The following DMD variants were observed in gnomAD, a reference collection of about 807,000 sequenced individuals.
DMD encodes dystrophin.
In DMD, 63 loss-of-function variants were observed where a neutral mutation model predicts 330.1. The observed-to-expected ratio is 0.19, with a 90% CI of 0.16 to 0.24. DMD has a LOEUF of 0.24. DMD is among the 10% of genes least tolerant of loss of function. The probability of loss-of-function intolerance (pLI) is 1.00; values close to 1 mark genes in which losing one functional copy is unlikely to be tolerated. For missense variants in DMD, 3,344 were observed against 2,684.1 expected (o/e 1.25, Z -5.43); for synonymous variants, 1,223 against 959.8 (o/e 1.27, Z -5.07).
At chrX:32,211,337 C>T (rs1477350598) in intron 44 of DMD, among the ~76,000 whole-genome samples, 1 of 112,135 alleles carries the variant, frequency 8.9e-6, no homozygotes, top group African/African-American at 3.2e-5. Flanking sequence ...TAAAATATGA[C>T]ATATGTAATC....
chrX:32,325,169 C>A (rs2097644593), intron 41 of DMD, among the ~76,000 whole-genome samples: 1 of 110,866 alleles, frequency 9.0e-6, no homozygotes, highest in Non-Finnish European at 1.9e-5. Context: ...AAAGAGATAT[C>A]TAAGACTAAA....
intron 12 of DMD, among the ~76,000 whole-genome samples, chrX:32,607,914 G>T (rs939530095): frequency 9.1e-6 from 1 of 109,837 alleles, no homozygotes; most frequent in East Asian, 2.8e-4. Context: ...TTAGAAATAG[G>T]GTACTTATTT....
At chrX:31,228,454 T>C (rs901542974) in intron 63 of DMD, among the ~76,000 whole-genome samples, 1 of 110,222 alleles carries the variant, frequency 9.1e-6, no homozygotes, top group Admixed American at 9.7e-5. Context: ...CATGTGTTGC[T>C]AGGAGTCTGC....
chrX:31,450,255 G>C, intron 59 of DMD, among the ~76,000 whole-genome samples: 1 of 111,757 alleles, frequency 8.9e-6, no homozygotes, highest in Non-Finnish European at 1.9e-5. Context: ...TCTTCCTCGT[G>C]GTTCAGGGAA....
At position 32,348,435 on chromosome X, in the gene DMD, G is replaced by C. The variant is rs1368648645; in HGVS notation, c.5419C>G (p.Leu1807Val). ...TCTTTATTGAAGTCTTCCTCTTTCA[G>C]ATTCACCCCCTGCTGAATTTCAGCC... ...LEAEIQQGVN[L>V]KEEDFNKDMN... The change falls in exon 38 of 79, where the codon CTG (leucine) becomes GTG (valine). Residue 1807 changes from leucine (L) to valine (V), a missense_variant. By Grantham distance (32) the Leu-to-Val change is conservative. Transcript: ENST00000357033. 1 of 1,207,716 alleles carries C rather than the reference G, an allele frequency of 8.3e-7. No homozygotes were observed. The highest frequency in any genetic ancestry group is 1.1e-6 in the Non-Finnish European group (1 of 892,812).
chrX:32,432,158 A>C (rs932701523), intron 29 of DMD, among the ~76,000 whole-genome samples: 2 of 111,835 alleles, frequency 1.8e-5, no homozygotes, highest in African/African-American at 6.5e-5. Flanking sequence ...CAGTGAGAAG[A>C]CAGATGTCTT....
intron 60 of DMD, among the ~76,000 whole-genome samples, chrX:31,434,811 G>A (rs761097204): frequency 8.9e-6 from 1 of 111,886 alleles, no homozygotes; most frequent in Non-Finnish European, 1.9e-5. Flanking sequence ...GAGTTAAACA[G>A]GCAATTCTTG....
chrX:31,559,146 G>A (rs1411518658), intron 55 of DMD, among the ~76,000 whole-genome samples: 1 of 112,322 alleles, frequency 8.9e-6, no homozygotes, highest in Admixed American at 9.4e-5. Flanking sequence ...CAGTAAGTGA[G>A]TCCAACAGTT....
intron 58 of DMD, 91 bp downstream of exon 58, chrX:31,478,892 C>CT: frequency 1.0e-6 from 1 of 982,353 alleles, no homozygotes; most frequent in Non-Finnish European, 1.4e-6. Context: ...AATATGAGAG[C>CT]TATCCAGACC....
rs968457386 is a variant in DMD at position 31,264,534 on chromosome X, T to C, written c.9225-3518A>G. On this transcript the variant is annotated intron_variant, in intron 62 of 78. Coordinates refer to ENST00000357033, the MANE Select transcript of DMD (RefSeq NM_004006.3). ...CTCTTTACATCTTTAAAAAATGTTA[T>C]TGATTTTGGCCCTGCTGGTTCCAAA... Among the ~76,000 whole-genome samples the C allele has an allele frequency of 4.5e-5, 5 of 112,291 alleles. 1 individual carries two copies. The South Asian group carries it at 1.5e-3, about 34-fold the overall frequency.
At chrX:33,062,185 A>C (rs898991600) in intron 1 of DMD, among the ~76,000 whole-genome samples, 1 of 112,218 alleles carries the variant, frequency 8.9e-6, no homozygotes, top group Non-Finnish European at 1.9e-5. Flanking sequence ...AGAAAAGGAA[A>C]GAATCCTTCC....
At chrX:31,311,046 G>GAATATC (rs920533882) in intron 62 of DMD, among the ~76,000 whole-genome samples, 6 of 111,675 alleles carry the variant, frequency 5.4e-5, no homozygotes, top group African/African-American at 2.0e-4. Context: ...CTGCAATAAT[G>GAATATC]AATATCATTC....
intron 11 of DMD, among the ~76,000 whole-genome samples, chrX:32,640,423 T>A (rs1265569073): frequency 9.1e-6 from 1 of 110,005 alleles, no homozygotes; most frequent in Non-Finnish European, 1.9e-5. Context: ...TTAGGCAAAC[T>A]GGAGAGGATT....
intron 44 of DMD, among the ~76,000 whole-genome samples, chrX:32,199,125 G>A (rs1472365992): frequency 8.9e-6 from 1 of 112,155 alleles, no homozygotes; most frequent in East Asian, 2.8e-4. Flanking sequence ...TCATTACACT[G>A]CATTCTCACA....
At chrX:33,126,755 G>A (rs762992453) in intron 1 of DMD, among the ~76,000 whole-genome samples, 5 of 111,258 alleles carry the variant, frequency 4.5e-5, no homozygotes, top group Non-Finnish European at 7.5e-5. Flanking sequence ...CGAGCTTGGT[G>A]GCATAGTTCA....
At chrX:32,886,364 G>A (rs1031332562) in intron 2 of DMD, among the ~76,000 whole-genome samples, 24 of 110,246 alleles carry the variant, frequency 2.2e-4, no homozygotes, top group Admixed American at 1.9e-3. Context: ...GTATTTTTGC[G>A]ATACATATAA....
At chrX:33,264,515 A>G (rs2053011108) in intron 1 of DMD, among the ~76,000 whole-genome samples, 1 of 110,698 alleles carries the variant, frequency 9.0e-6, no homozygotes, top group African/African-American at 3.3e-5. Flanking sequence ...AAGATTACAC[A>G]TGTTGTTAAG....
intron 2 of DMD, among the ~76,000 whole-genome samples, chrX:32,884,535 G>A (rs1264076433): frequency 9.0e-6 from 1 of 111,635 alleles, no homozygotes; most frequent in African/African-American, 3.3e-5. Context: ...CCAATGGAGA[G>A]TCTGACAGAA....
At chrX:31,789,958 T>C (rs991842884) in intron 50 of DMD, among the ~76,000 whole-genome samples, 2 of 111,625 alleles carry the variant, frequency 1.8e-5, no homozygotes, top group Admixed American at 9.5e-5. Flanking sequence ...TACATGTGCA[T>C]AGTTTTGAAT....
Sources: allele counts gnomAD v4.1 joint callset (sites outside exome capture counted in the v4.1 genomes callset), GRCh38; gene constraint gnomAD v4.1.1; transcripts MANE v1.5; gene names NCBI Gene and HGNC (gene_info 2026-07-23, HGNC 2026-07-21).